The following PRMT8 variants were observed in gnomAD, a reference collection of about 807,000 sequenced individuals.
The protein encoded by PRMT8 is protein arginine methyltransferase 8.
PRMT8 carries 7 observed loss-of-function variants against 47.1 expected under a neutral mutation model. The observed-to-expected ratio is 0.15, with a 90% confidence interval of 0.08 to 0.28. The LOEUF (loss-of-function observed/expected upper bound fraction) is 0.28. Ranked by LOEUF, PRMT8 falls within the 10% of genes least tolerant of loss-of-function variation. The probability of loss-of-function intolerance (pLI) is 1.00; values close to 1 mark genes in which losing one functional copy is unlikely to be tolerated. For missense variants in PRMT8, 237 were observed against 505.4 expected (o/e 0.47, Z 5.09); for synonymous variants, 188 against 186.5 (o/e 1.01, Z -0.07).
chr12:3,385,388 C>A (rs558659898), intron 1 of PRMT8, among the ~76,000 whole-genome samples: 3 of 152,316 alleles, frequency 2.0e-5, no homozygotes, highest in Admixed American at 6.5e-5. Flanking sequence ...GGTAGCAAGA[C>A]ATTCTTCAAA....
chr12:3,478,267 T>A (rs895633683), intron 1 of PRMT8, among the ~76,000 whole-genome samples: 1 of 121,858 alleles, frequency 8.2e-6, no homozygotes, highest in Non-Finnish European at 1.8e-5. Flanking sequence ...CTATCATCTA[T>A]CTATCTATCT....
rs369055436 is a variant in PRMT8 at position 3,553,645 on chromosome 12, T to C, written c.418-6T>C. On this transcript the variant is annotated splice_polypyrimidine_tract_variant and splice_region_variant and intron_variant, in intron 3 of 9. Coordinates refer to ENST00000382622, the MANE Select transcript of PRMT8 (RefSeq NM_019854.5). Reference sequence around the variant, plus strand: ...GCCTTGCTCCTTTGTCCTATGCCCTTTCCAGATCGAATGCTCCAGTATTTC... The same window carrying C: ...GCCTTGCTCCTTTGTCCTATGCCCTCTCCAGATCGAATGCTCCAGTATTTC... 1.2e-6 allele frequency: 2 copies of C among 1,601,666 alleles called. No individual in the cohort carries two copies. The highest frequency in any genetic ancestry group is 1.7e-6 in the Non-Finnish European group (2 of 1,168,672).
At chr12:3,510,663 T>C (rs1032272262) in intron 1 of PRMT8, among the ~76,000 whole-genome samples, 11 of 152,208 alleles carry the variant, frequency 7.2e-5, no homozygotes, top group Non-Finnish European at 1.6e-4. Context: ...CCTGGGGCCT[T>C]GTCCACAAGG....
chr12:3,530,686 C>T (rs1251404966), intron 1 of PRMT8, among the ~76,000 whole-genome samples: 1 of 152,138 alleles, frequency 6.6e-6, no homozygotes, highest in African/African-American at 2.4e-5. Context: ...GGGCCAGGGC[C>T]AAGCAGCCAG....
At chr12:3,517,097 A>T (rs1865805179) in intron 1 of PRMT8, among the ~76,000 whole-genome samples, 2 of 152,218 alleles carry the variant, frequency 1.3e-5, no homozygotes, top group Admixed American at 1.3e-4. Context: ...GGAAAATTGT[A>T]ACCCCATAGT....
intron 1 of PRMT8, among the ~76,000 whole-genome samples, chr12:3,440,496 A>G (rs1391123595): frequency 1.3e-5 from 2 of 152,096 alleles, no homozygotes; most frequent in South Asian, 2.1e-4. Context: ...AACAAAACCT[A>G]TTTAGATAGT....
chr12:3,435,590 T>C (rs762051550), intron 1 of PRMT8, among the ~76,000 whole-genome samples: 3 of 151,062 alleles, frequency 2.0e-5, no homozygotes, highest in Non-Finnish European at 3.0e-5. Flanking sequence ...GGCGCAGTGT[T>C]GGCTCACTGC....
chr12:3,457,386 T>A (rs1196103311), intron 1 of PRMT8, among the ~76,000 whole-genome samples: 1 of 152,198 alleles, frequency 6.6e-6, no homozygotes, highest in Non-Finnish European at 1.5e-5. Flanking sequence ...CATAGCTCAC[T>A]GTAACCTTGA....
chr12:3,566,656 C>T lies in PRMT8; in HGVS notation c.482-2050C>T, dbSNP rs1327445654. Reference sequence around the variant, plus strand: ...GAAGAAACTAAATAAAGCCAGCAAACGGTGTGCTCTTTGCCATCCAGGAGC... The same window carrying T: ...GAAGAAACTAAATAAAGCCAGCAAATGGTGTGCTCTTTGCCATCCAGGAGC... On this transcript the variant is annotated intron_variant, in intron 4 of 9. Coordinates refer to ENST00000382622, the MANE Select transcript of PRMT8 (RefSeq NM_019854.5). This position sits in a 1 kb window ranked among gnomAD's most constrained non-coding sequence, Gnocchi z 4.7. Among the ~76,000 whole-genome samples, 2 of 152,164 alleles carry T rather than the reference C, an allele frequency of 1.3e-5. No individual in the cohort carries two copies. The highest frequency in any genetic ancestry group is 1.9e-4 in the East Asian group (1 of 5,194).
At chr12:3,524,485 G>A (rs544025179) in intron 1 of PRMT8, among the ~76,000 whole-genome samples, 2 of 151,824 alleles carry the variant, frequency 1.3e-5, no homozygotes, top group East Asian at 3.9e-4. Flanking sequence ...AAGAAGTTTA[G>A]TCTAAGATGA....
intron 1 of PRMT8, among the ~76,000 whole-genome samples, chr12:3,479,939 G>C (rs905571624): frequency 1.3e-5 from 2 of 152,108 alleles, no homozygotes; most frequent in African/African-American, 4.8e-5. Flanking sequence ...AGGTAGAAAA[G>C]GTTAAAACGT....
chr12:3,560,400 G>A (rs1007493577), intron 4 of PRMT8, among the ~76,000 whole-genome samples: 3 of 152,208 alleles, frequency 2.0e-5, no homozygotes, highest in Non-Finnish European at 4.4e-5. Context: ...CCCACAGGAA[G>A]CCACCTGCGG....
intron 6 of PRMT8, among the ~76,000 whole-genome samples, chr12:3,571,097 C>A (rs959259030): frequency 6.6e-6 from 1 of 152,186 alleles, no homozygotes; most frequent in Non-Finnish European, 1.5e-5. Context: ...TATTAAAGGA[C>A]GTGACAGTTC....
chr12:3,385,464 G>C (rs1344849442), intron 1 of PRMT8, among the ~76,000 whole-genome samples: 2 of 152,346 alleles, frequency 1.3e-5, no homozygotes, highest in African/African-American at 4.8e-5. Flanking sequence ...ATTACAGAGG[G>C]AAGATGAATG....
chr12:3,558,774 C>T (rs915197409), intron 4 of PRMT8, among the ~76,000 whole-genome samples: 1 of 152,164 alleles, frequency 6.6e-6, no homozygotes, highest in Non-Finnish European at 1.5e-5. Context: ...CGTACAATTT[C>T]GGCTTGTCTC....
chr12:3,432,013 A>T (rs553613057), intron 1 of PRMT8, among the ~76,000 whole-genome samples: 1 of 152,330 alleles, frequency 6.6e-6, no homozygotes, highest in East Asian at 1.9e-4. Context: ...TGCAGAGTTT[A>T]AAGAATGCTG....
chr12:3,462,209 C>T (rs1865049778), intron 1 of PRMT8, among the ~76,000 whole-genome samples: 1 of 152,020 alleles, frequency 6.6e-6, no homozygotes, highest in Non-Finnish European at 1.5e-5. Context: ...CATGCTCCTG[C>T]AAAAGACATG....
chr12:3,539,381 G>T (rs1866179445), intron 1 of PRMT8, among the ~76,000 whole-genome samples: 1 of 152,130 alleles, frequency 6.6e-6, no homozygotes, highest in South Asian at 2.1e-4. Flanking sequence ...TGGCTCCAGG[G>T]TTTGTACTTT....
intron 1 of PRMT8, among the ~76,000 whole-genome samples, chr12:3,403,083 A>G (rs529460876): frequency 6.6e-5 from 10 of 152,236 alleles, no homozygotes; most frequent in African/African-American, 2.4e-4. Flanking sequence ...CATCAGTGAT[A>G]GACTGGATAA....
Sources: allele counts gnomAD v4.1 joint callset (sites outside exome capture counted in the v4.1 genomes callset), GRCh38; gene constraint gnomAD v4.1.1; non-coding constraint Gnocchi (gnomAD v3.1); transcripts MANE v1.5; gene names NCBI Gene and HGNC (gene_info 2026-07-23, HGNC 2026-07-21).